The following RRS1 variants were observed in gnomAD, a reference collection of about 807,000 sequenced individuals.
RRS1 encodes the protein ribosome biogenesis regulatory protein homolog.
RRS1 carries 10 observed loss-of-function variants against 23.1 expected under a neutral mutation model. The observed-to-expected ratio is 0.43, with a 90% CI of 0.27 to 0.74. The LOEUF is 0.74. Among genes scored for constraint, RRS1 ranks in the 30% least tolerant of loss-of-function variants. The pLI is 0.19. For synonymous variants in RRS1, 198 were observed against 207.7 expected (o/e 0.95, Z 0.40); for missense variants, 485 against 484.3 (o/e 1.00, Z -0.01).
chr8:66,429,398 G>A lies in RRS1; in HGVS notation c.267G>A (p.Val89=). 1 of 1,550,462 alleles carries A rather than the reference G, an allele frequency of 6.4e-7. No homozygotes were observed. Among genetic ancestry groups the A allele is most frequent in the Non-Finnish European group, 8.7e-7 (1 of 1,147,004 alleles). ...CGGAGCGCGTGGAAGAGGCGATAGT[G>A]GCGCGGCTGCCGGAGCCCACCACAC... ...LPTERVEEAI[V]ARLPEPTTRL... is the part of the protein sequence containing the mutation. The change falls in exon 1 of 1, where the codon GTG becomes GTA. Residue 89 remains valine (V), a synonymous_variant. Coordinates refer to ENST00000320270, the MANE Select transcript of RRS1 (RefSeq NM_015169.4). This position sits in a 1 kb window ranked among gnomAD's most constrained non-coding sequence, Gnocchi z 5.1.
chr8:66,429,027 G>A lies in RRS1; in HGVS notation c.-105G>A. The stretch of plus-strand genomic sequence containing the variant: ...AAGCGAACCTTTCTTTTCCGGATTG[G>A]GCATCCCGGCATCTGCACGTGGTTA... On this transcript the variant is annotated 5_prime_UTR_variant, in exon 1 of 1. Coordinates refer to ENST00000320270, the MANE Select transcript of RRS1 (RefSeq NM_015169.4). The surrounding 1 kb of genome is among the most constrained non-coding windows in gnomAD (Gnocchi z 5.1). 6.8e-7 allele frequency: 1 copy of A among 1,463,260 alleles called. No homozygotes were observed. Among genetic ancestry groups the A allele is most frequent in the Non-Finnish European group, 9.2e-7 (1 of 1,091,278 alleles). The allele number at this position is 1,463,260 out of a possible 1,614,324, so 90.6% of individuals were successfully genotyped here. A position where few individuals can be genotyped will look rare whatever the true frequency, so the allele number is the denominator to read the frequency against.
In RRS1 at chr8:66,429,500, C is replaced by A. The variant is rs774694603; in HGVS notation, c.369C>A (p.Ile123=). The A allele has an allele frequency of 1.2e-6, 2 of 1,602,712 alleles. No individual in the cohort carries two copies. The highest frequency in any genetic ancestry group is 1.1e-5 in the South Asian group (1 of 90,104). ...RWQQFARLKG[I]RPKKKTNLVW... Reference sequence around the variant, plus strand: ...AGCAGTTCGCGCGCCTCAAGGGCATCCGTCCCAAGAAGAAGACCAACCTGG... The same window carrying A: ...AGCAGTTCGCGCGCCTCAAGGGCATACGTCCCAAGAAGAAGACCAACCTGG... Residue 123 remains isoleucine (I), a synonymous_variant, in exon 1 of 1, where the codon ATC becomes ATA. Transcript: ENST00000320270. The surrounding 1 kb of genome is among the most constrained non-coding windows in gnomAD (Gnocchi z 5.1).
At position 66,429,154 on chromosome 8, in the gene RRS1, A is replaced by G; in HGVS notation, c.23A>G (p.Glu8Gly). ...GCCATGGAGGGCCAGAGCGTGGAGG[A>G]GCTGCTCGCAAAGGCAGAGCAGGAC... MEGQSVEELLAKAEQDEA... is the reference protein window; with the variant it reads MEGQSVEGLLAKAEQDEA... Residue 8 changes from glutamate (E) to glycine (G), a missense_variant, in exon 1 of 1, where the codon GAG (glutamate) becomes GGG (glycine). Coordinates refer to ENST00000320270, the MANE Select transcript of RRS1 (RefSeq NM_015169.4). This position sits in a 1 kb window ranked among gnomAD's most constrained non-coding sequence, Gnocchi z 5.1. 1 of 1,611,088 alleles carries G rather than the reference A, an allele frequency of 6.2e-7. No individual in the cohort carries two copies. Among genetic ancestry groups the G allele is most frequent in the East Asian group, 2.2e-5 (1 of 44,778 alleles).
In RRS1 at chr8:66,429,842, G is replaced by C. The variant is rs3739337; in HGVS notation, c.711G>C (p.Glu237Asp). 1.2e-6 allele frequency: 2 copies of C among 1,613,404 alleles called. No individual in the cohort carries two copies. The highest frequency in any genetic ancestry group is 1.7e-6 in the Non-Finnish European group (2 of 1,180,016). ...CCGCCTCTGTGGGGCGCTTTCAGGAGCGCCTCCCCAAGGAGAAGGTGCCCC... is the reference window on the plus strand; with the variant it reads ...CCGCCTCTGTGGGGCGCTTTCAGGACCGCCTCCCCAAGGAGAAGGTGCCCC... ...VSTASVGRFQ[E>D]RLPKEKVPRG... is the part of the protein sequence containing the mutation. The change falls in exon 1 of 1, where the codon GAG becomes GAC. Residue 237 changes from glutamate to aspartate, a missense_variant. Coordinates refer to ENST00000320270, the MANE Select transcript of RRS1 (RefSeq NM_015169.4). The surrounding 1 kb of genome is among the most constrained non-coding windows in gnomAD (Gnocchi z 5.1).
In RRS1 at chr8:66,429,576, G is replaced by T; in HGVS notation, c.445G>T (p.Ala149Ser). 1 of 1,612,770 alleles carries T rather than the reference G, an allele frequency of 6.2e-7. No homozygotes were observed. The highest frequency in any genetic ancestry group is 2.2e-5 in the East Asian group (1 of 44,834). ...GCGGCGGCGCTGGGGCTACCAGCGCGCCCGGGACGACACCAAAGAATGGCT... is the reference window on the plus strand; with the variant it reads ...GCGGCGGCGCTGGGGCTACCAGCGCTCCCGGGACGACACCAAAGAATGGCT... ...QWRRRWGYQR[A>S]RDDTKEWLIE... The change falls in exon 1 of 1, where the codon GCC (alanine) becomes TCC (serine). Residue 149 changes from alanine (A) to serine (S), a missense_variant. Transcript: ENST00000320270. This position sits in a 1 kb window ranked among gnomAD's most constrained non-coding sequence, Gnocchi z 5.1.
At position 66,430,677 on chromosome 8, in the gene RRS1, C is replaced by A; in HGVS notation, c.*448C>A. 1 of 175,078 alleles carries A rather than the reference C, an allele frequency of 5.7e-6. No individual in the cohort carries two copies. Among genetic ancestry groups the A allele is most frequent in the Non-Finnish European group, 1.4e-5 (1 of 73,654 alleles). The allele number at this position is 175,078 out of a possible 1,614,324, so 10.8% of individuals were successfully genotyped here. ...ACAAACAGTTTCAGAATTGAATAGG[C>A]AAGTGACTGTTTTAAAGATTAAGTA... is the stretch of plus-strand genomic sequence containing the variant. On this transcript the variant is annotated 3_prime_UTR_variant, in exon 1 of 1. Coordinates refer to ENST00000320270, the MANE Select transcript of RRS1 (RefSeq NM_015169.4).
At position 66,429,652 on chromosome 8, in the gene RRS1, G is replaced by A. The variant is rs1805180161; in HGVS notation, c.521G>A (p.Arg174Gln). ...ADPLEDQFAK[R>Q]IQAKKERVAK... ...CCCTTGGAGGACCAGTTCGCCAAGC[G>A]GATTCAGGCCAAGAAGGAAAGGGTG... The change falls in exon 1 of 1, where the codon CGG becomes CAG. Residue 174 changes from arginine to glutamine, a missense_variant. Arg to Gln is a conservative substitution (Grantham distance 43). Coordinates refer to ENST00000320270, the MANE Select transcript of RRS1 (RefSeq NM_015169.4). The surrounding 1 kb of genome is among the most constrained non-coding windows in gnomAD (Gnocchi z 5.1). 6.8e-6 allele frequency: 11 copies of A among 1,613,188 alleles called. No homozygotes were observed. Among genetic ancestry groups the A allele is most frequent in the Non-Finnish European group, 9.3e-6 (11 of 1,180,000 alleles).
In RRS1 at chr8:66,430,369, A is replaced by G. The variant is rs569230573; in HGVS notation, c.*140A>G. 7.8e-6 allele frequency: 7 copies of G among 899,544 alleles called. No homozygotes were observed. In the African/African-American group the frequency reaches 8.4e-5, roughly 11 times the overall value. The allele number at this position is 899,544 out of a possible 1,614,324, so 55.7% of individuals were successfully genotyped here. ...AAAGGGACAGGATTGCCCTTCCGTC[A>G]AGAAAGTATGTAAGTGTTGGACTGC... On this transcript the variant is annotated 3_prime_UTR_variant, in exon 1 of 1. Coordinates refer to ENST00000320270, the MANE Select transcript of RRS1 (RefSeq NM_015169.4).
chr8:66,429,446 G>A lies in RRS1; in HGVS notation c.315G>A (p.Leu105=). Reference sequence around the variant, plus strand: ...CACGCCTGCCGCGAGAGAAGCCTCTGCCCCGACCGCGGCCACTTACACGCT... The same window carrying A: ...CACGCCTGCCGCGAGAGAAGCCTCTACCCCGACCGCGGCCACTTACACGCT... The part of the protein sequence containing the change: ...PTTRLPREKP[L]PRPRPLTRWQ... The change falls in exon 1 of 1, where the codon CTG becomes CTA. Residue 105 remains leucine (L), a synonymous_variant. Coordinates refer to ENST00000320270, the MANE Select transcript of RRS1 (RefSeq NM_015169.4). This position sits in a 1 kb window ranked among gnomAD's most constrained non-coding sequence, Gnocchi z 5.1. 1 of 1,556,484 alleles carries A rather than the reference G, an allele frequency of 6.4e-7. No individual in the cohort carries two copies. Among genetic ancestry groups the A allele is most frequent in the Non-Finnish European group, 8.7e-7 (1 of 1,150,346 alleles).
Position 66,429,016 on chromosome 8 carries a change from T to G in RRS1, c.-116T>G. ...GGACGCTCCGGAAGCGAACCTTTCT[T>G]TTCCGGATTGGGCATCCCGGCATCT... On this transcript the variant is annotated 5_prime_UTR_variant, in exon 1 of 1. Transcript: ENST00000320270. The surrounding 1 kb of genome is among the most constrained non-coding windows in gnomAD (Gnocchi z 5.1). 7.0e-7 allele frequency: 1 copy of G among 1,435,442 alleles called. No homozygotes were observed. The highest frequency in any genetic ancestry group is 9.3e-7 in the Non-Finnish European group (1 of 1,070,546). 88.9% of individuals were successfully genotyped at this position (1,435,442 alleles called of 1,614,324 possible).
Position 66,430,087 on chromosome 8 carries a change from C to G in RRS1, c.956C>G (p.Pro319Arg), listed in dbSNP as rs1043898691. The G allele has an allele frequency of 5.6e-6, 9 of 1,612,772 alleles. No homozygotes were observed. Among genetic ancestry groups the G allele is most frequent in the Non-Finnish European group, 6.8e-6 (8 of 1,179,656 alleles). ...KGKRKGGRQG[P>R]GGKRKGGPPS... ...AAGAGAAAGGGAGGCCGGCAGGGGC[C>G]TGGGGGCAAGAGGAAAGGGGGCCCG... The change falls in exon 1 of 1, where the codon CCT becomes CGT. Residue 319 changes from proline (P) to arginine (R), a missense_variant. By Grantham distance (103) the Pro-to-Arg change is moderately radical. Coordinates refer to ENST00000320270, the MANE Select transcript of RRS1 (RefSeq NM_015169.4).
rs1043382617 is a variant in RRS1, at chr8:66,430,366, G to A, written c.*137G>A. On this transcript the variant is annotated 3_prime_UTR_variant, in exon 1 of 1. Transcript: ENST00000320270. ...TTTAAAGGGACAGGATTGCCCTTCC[G>A]TCAAGAAAGTATGTAAGTGTTGGAC... 3 of 912,228 alleles carry A rather than the reference G, an allele frequency of 3.3e-6. No homozygotes were observed. Among genetic ancestry groups the A allele is most frequent in the Middle Eastern group, 3.4e-4 (1 of 2,936 alleles). The allele number at this position is 912,228 out of a possible 1,614,324, so 56.5% of individuals were successfully genotyped here.
At position 66,430,383 on chromosome 8, in the gene RRS1, G is replaced by T; in HGVS notation, c.*154G>T. On this transcript the variant is annotated 3_prime_UTR_variant, in exon 1 of 1. Coordinates refer to ENST00000320270, the MANE Select transcript of RRS1 (RefSeq NM_015169.4). ...GCCCTTCCGTCAAGAAAGTATGTAA[G>T]TGTTGGACTGCACAAATTAATGTTT... is the stretch of plus-strand genomic sequence containing the variant. 2.6e-6 allele frequency: 2 copies of T among 756,864 alleles called. No individual in the cohort carries two copies. The highest frequency in any genetic ancestry group is 4.4e-6 in the Non-Finnish European group (2 of 457,046). The allele number at this position is 756,864 out of a possible 1,614,324, so 46.9% of individuals were successfully genotyped here. A position where few individuals can be genotyped will look rare whatever the true frequency, so the allele number is the denominator to read the frequency against.
chr8:66,430,358 G>GT lies in RRS1; in HGVS notation c.*129_*130insT. ...TCATTGAGTTTAAAGGGACAGGATT[G>GT]CCCTTCCGTCAAGAAAGTATGTAAG... On this transcript the variant is annotated 3_prime_UTR_variant, in exon 1 of 1. Transcript: ENST00000320270. 1 of 991,380 alleles carries GT rather than the reference G, an allele frequency of 1.0e-6. No individual in the cohort carries two copies. Among genetic ancestry groups the GT allele is most frequent in the Non-Finnish European group, 1.5e-6 (1 of 659,102 alleles). 61.4% of individuals were successfully genotyped at this position (991,380 alleles called of 1,614,324 possible). A position where few individuals can be genotyped will look rare whatever the true frequency, so the allele number is the denominator to read the frequency against.
Position 66,430,329 on chromosome 8 carries a change from G to GC in RRS1, c.*102dup. 1.5e-6 allele frequency: 2 copies of GC among 1,311,568 alleles called. No individual in the cohort carries two copies. The highest frequency in any genetic ancestry group is 4.2e-5 in the Admixed American group (2 of 47,066). The allele number at this position is 1,311,568 out of a possible 1,614,324, so 81.2% of individuals were successfully genotyped here. On this transcript the variant is annotated 3_prime_UTR_variant, in exon 1 of 1. Transcript: ENST00000320270. Reference sequence around the variant, plus strand: ...GGGGACTCAGAAGGACCTGGCCGCTGCCTTCATTGAGTTTAAAGGGACAGG... The same window carrying GC: ...GGGGACTCAGAAGGACCTGGCCGCTGCCCTTCATTGAGTTTAAAGGGACAGG...
Position 66,429,788 on chromosome 8 carries a change from C to T in RRS1, c.657C>T (p.Gly219=). ...PTGHQSKEEL[G]RAMQVAKVST... Reference sequence around the variant, plus strand: ...GACACCAGAGTAAGGAGGAGCTGGGCCGCGCCATGCAAGTGGCCAAGGTCT... The same window carrying T: ...GACACCAGAGTAAGGAGGAGCTGGGTCGCGCCATGCAAGTGGCCAAGGTCT... Residue 219 remains glycine, a synonymous_variant, in exon 1 of 1, where the codon GGC becomes GGT. Transcript: ENST00000320270. This position sits in a 1 kb window ranked among gnomAD's most constrained non-coding sequence, Gnocchi z 5.1. 1 of 1,612,804 alleles carries T rather than the reference C, an allele frequency of 6.2e-7. No homozygotes were observed. The highest frequency in any genetic ancestry group is 8.5e-7 in the Non-Finnish European group (1 of 1,179,998).
At position 66,430,726 on chromosome 8, in the gene RRS1, A is replaced by ACTTTT. The variant is rs1435098917; in HGVS notation, c.*498_*502dup. The ACTTTT allele has an allele frequency of 1.2e-5, 2 of 169,918 alleles. No individual in the cohort carries two copies. The highest frequency in any genetic ancestry group is 4.8e-5 in the African/African-American group (2 of 41,352). 10.5% of individuals were successfully genotyped at this position (169,918 alleles called of 1,614,324 possible). Reference sequence around the variant, plus strand: ...TAATAAAGATGTCTTATCTAGTGTGACTTTTAACTTTCTGACTACTGGGTA... The same window carrying ACTTTT: ...TAATAAAGATGTCTTATCTAGTGTGACTTTTCTTTTAACTTTCTGACTACTGGGTA... On this transcript the variant is annotated 3_prime_UTR_variant, in exon 1 of 1. Transcript: ENST00000320270.
At position 66,430,424 on chromosome 8, in the gene RRS1, C is replaced by A; in HGVS notation, c.*195C>A. 1.7e-6 allele frequency: 1 copy of A among 586,170 alleles called. No individual in the cohort carries two copies. The highest frequency in any genetic ancestry group is 3.0e-6 in the Non-Finnish European group (1 of 335,298). The allele number at this position is 586,170 out of a possible 1,614,324, so 36.3% of individuals were successfully genotyped here. ...ATTAATGTTTTTCCCACAACCGAGA[C>A]TTTGGAGATTAAGAACTTATTTGAG... On this transcript the variant is annotated 3_prime_UTR_variant, in exon 1 of 1. Coordinates refer to ENST00000320270, the MANE Select transcript of RRS1 (RefSeq NM_015169.4).
chr8:66,429,642 T>A lies in RRS1; in HGVS notation c.511T>A (p.Phe171Ile). Residue 171 changes from phenylalanine to isoleucine, a missense_variant, in exon 1 of 1, where the codon TTC becomes ATC. Coordinates refer to ENST00000320270, the MANE Select transcript of RRS1 (RefSeq NM_015169.4). This position sits in a 1 kb window ranked among gnomAD's most constrained non-coding sequence, Gnocchi z 5.1. ...CAATGCCGACCCCTTGGAGGACCAGTTCGCCAAGCGGATTCAGGCCAAGAA... is the reference window on the plus strand; with the variant it reads ...CAATGCCGACCCCTTGGAGGACCAGATCGCCAAGCGGATTCAGGCCAAGAA... ...PGNADPLEDQ[F>I]AKRIQAKKER... 6.2e-7 allele frequency: 1 copy of A among 1,613,076 alleles called. No individual in the cohort carries two copies. Among genetic ancestry groups the A allele is most frequent in the Non-Finnish European group, 8.5e-7 (1 of 1,179,964 alleles).
Sources: allele counts gnomAD v4.1 joint callset, GRCh38; gene constraint gnomAD v4.1.1; non-coding constraint Gnocchi (gnomAD v3.1); transcripts MANE v1.5; gene names NCBI Gene and HGNC (gene_info 2026-07-23, HGNC 2026-07-21).